EVI5: variants seen among roughly 807,000 people sequenced by gnomAD.
EVI5 encodes the protein ecotropic viral integration site 5.
In EVI5, 73 loss-of-function variants were observed where a neutral mutation model predicts 112.0. The observed-to-expected ratio is 0.65, with a 90% CI of 0.54 to 0.79. The LOEUF (loss-of-function observed/expected upper bound fraction) is 0.79, where lower values mean the gene tolerates loss of function less well. EVI5 is among the 30% of genes least tolerant of loss of function. The pLI, the probability that EVI5 is intolerant of heterozygous loss-of-function variation, is 0.00. For synonymous variants in EVI5, 305 were observed against 319.9 expected, an observed-to-expected ratio of 0.95 and a Z score of 0.50; for missense variants, 900 against 968.8, an observed-to-expected ratio of 0.93 and a Z score of 0.94.
chr1:92,713,685 G>A (rs958321804), intron 2 of EVI5, among the ~76,000 whole-genome samples: 2 of 152,132 alleles, frequency 1.3e-5, no homozygotes, highest in Non-Finnish European at 2.9e-5. Flanking sequence ...GCTGGGGTCA[G>A]AGAATCACTT....
intron 6 of EVI5, among the ~76,000 whole-genome samples, chr1:92,696,864 C>T (rs1465921734): frequency 6.6e-6 from 1 of 151,930 alleles, no homozygotes; most frequent in Non-Finnish European, 1.5e-5. Flanking sequence ...TGGTGAAACC[C>T]CATCTCTACT....
intron 1 of EVI5, 102 bp downstream of exon 1, chr1:92,784,734 G>T: frequency 1.2e-6 from 1 of 853,230 alleles, no homozygotes. Context: ...ACTTGCGGCG[G>T]CCCCCGCCCG....
chr1:92,583,688 A>G (rs539041343), intron 18 of EVI5, among the ~76,000 whole-genome samples: 1 of 151,460 alleles, frequency 6.6e-6, no homozygotes, highest in African/African-American at 2.4e-5. Context: ...CAATGGTATT[A>G]GAAGTATAAG....
Position 92,736,499 on chromosome 1 carries a change from G to C in EVI5, c.48C>G (p.Ser16=). Reference sequence around the variant, plus strand: ...CTGGTGTTGATAGTGTGGTAGATGAGGATGTGGTATGTAATGAAGTAGATG... The same window carrying C: ...CTGGTGTTGATAGTGTGGTAGATGACGATGTGGTATGTAATGAAGTAGATG... ...ASPSTSLHTT[S]SSTTLSTPAL... Residue 16 remains serine, a synonymous_variant, in exon 2 of 20, where the codon TCC becomes TCG. Transcript: ENST00000684568. 6.2e-7 allele frequency: 1 copy of C among 1,613,898 alleles called. No individual in the cohort carries two copies. Among genetic ancestry groups the C allele is most frequent in the Non-Finnish European group, 8.5e-7 (1 of 1,179,850 alleles).
At chr1:92,629,018 G>A (rs1414266783) in intron 14 of EVI5, among the ~76,000 whole-genome samples, 4 of 152,128 alleles carry the variant, frequency 2.6e-5, no homozygotes, top group South Asian at 2.1e-4. Context: ...AGCCACTTAC[G>A]AAATCCATTT....
chr1:92,717,392 A>C (rs1405602995), intron 2 of EVI5, among the ~76,000 whole-genome samples: 1 of 152,228 alleles, frequency 6.6e-6, no homozygotes, highest in Non-Finnish European at 1.5e-5. Context: ...CCAATCTTCA[A>C]CATTCTTAAA....
chr1:92,528,924 G>A (rs1293155399), intron 19 of EVI5, among the ~76,000 whole-genome samples: 1 of 152,112 alleles, frequency 6.6e-6, no homozygotes, highest in African/African-American at 2.4e-5. Flanking sequence ...GTATTTTTCT[G>A]TACATATCTC....
At position 92,748,546 on chromosome 1, in the gene EVI5, C is replaced by T. The variant is rs1679670373; in HGVS notation, c.-81-11919G>A. Among the ~76,000 whole-genome samples the T allele has an allele frequency of 3.3e-5, 5 of 152,000 alleles. 1 individual carries two copies. The South Asian group carries it at 1.0e-3, about 32-fold the overall frequency. On this transcript the variant is annotated intron_variant, in intron 1 of 19. Transcript: ENST00000684568. ...TAAGTTTCATGGTGGTTTGTTACAC[C>T]GCTACAGTAACTGGAACAATATCAC...
intron 2 of EVI5, among the ~76,000 whole-genome samples, chr1:92,717,214 C>T (rs1204868574): frequency 1.3e-5 from 2 of 152,018 alleles, no homozygotes; most frequent in Admixed American, 6.6e-5. Context: ...TGAAATACTC[C>T]TCAAGAAGAG....
chr1:92,706,704 G>A (rs1038837751), intron 2 of EVI5, among the ~76,000 whole-genome samples: 1 of 152,138 alleles, frequency 6.6e-6, no homozygotes, highest in African/African-American at 2.4e-5. Context: ...AGATTAAGCA[G>A]TTAACCTTCC....
chr1:92,567,348 C>T (rs988630868), intron 18 of EVI5, among the ~76,000 whole-genome samples: 3 of 152,152 alleles, frequency 2.0e-5, no homozygotes, highest in South Asian at 2.1e-4. Context: ...ATTAACTGTA[C>T]TGTGTTTATA....
At chr1:92,787,092 A>C (rs989492503), upstream of EVI5, among the ~76,000 whole-genome samples, 2 of 152,176 alleles carry the variant, frequency 1.3e-5, no homozygotes, top group African/African-American at 4.8e-5. Flanking sequence ...ATTTTTTACT[A>C]TTAGCTCCTT....
chr1:92,638,143 T>G (rs757285506), intron 13 of EVI5, among the ~76,000 whole-genome samples: 1 of 152,142 alleles, frequency 6.6e-6, no homozygotes, highest in Admixed American at 6.5e-5. Flanking sequence ...GACTTTATAT[T>G]AGAAGATCCC....
Position 92,550,781 on chromosome 1 carries a change from AATATATATATATATAT to A in EVI5, c.2166+12845_2166+12860del, listed in dbSNP as rs1330757944. ...AAAAAAAAAAAAAAAAAAAAAAAAA[AATATATATATATATAT>A]ATATATATATATATATAACAAAAAA... On this transcript the variant is annotated intron_variant, in intron 19 of 19. Transcript: ENST00000684568. 3.5e-3 allele frequency among the ~76,000 whole-genome samples: 72 copies of A among 20,324 alleles called. 2 individuals are homozygous for A. Among genetic ancestry groups the A allele is most frequent in the East Asian group, 0.014 (4 of 288 alleles). The allele number at this position is 20,324 out of a possible 152,430, so 13.3% of individuals were successfully genotyped here.
chr1:92,536,352 T>C (rs1663892349), intron 19 of EVI5, among the ~76,000 whole-genome samples: 1 of 152,150 alleles, frequency 6.6e-6, no homozygotes, highest in African/African-American at 2.4e-5. Context: ...AAAAATGCAG[T>C]ATAGTTAATA....
At chr1:92,635,694 C>A (rs571101386) in intron 14 of EVI5, among the ~76,000 whole-genome samples, 14 of 152,274 alleles carry the variant, frequency 9.2e-5, no homozygotes, top group Non-Finnish European at 1.8e-4. Context: ...ATGAGATGCA[C>A]CTGGTACGGC....
intron 19 of EVI5, among the ~76,000 whole-genome samples, chr1:92,548,852 C>A (rs1666274206): frequency 6.6e-6 from 1 of 152,264 alleles, no homozygotes; most frequent in African/African-American, 2.4e-5. Context: ...AAAGAGGACA[C>A]AAACAAATGG....
chr1:92,775,028 C>A (rs1683922173), intron 1 of EVI5, among the ~76,000 whole-genome samples: 1 of 152,204 alleles, frequency 6.6e-6, no homozygotes, highest in Non-Finnish European at 1.5e-5. Context: ...AGTAAAAATT[C>A]CCCATGTCAT....
At chr1:92,775,524 T>A (rs938356899) in intron 1 of EVI5, among the ~76,000 whole-genome samples, 31 of 152,140 alleles carry the variant, frequency 2.0e-4, no homozygotes, top group African/African-American at 7.2e-4. Context: ...GTGTTACAAC[T>A]GCCTACAGTA....
Sources: gnomAD v4.1 joint callset for allele counts (sites outside exome capture counted in the v4.1 genomes callset) on GRCh38, gnomAD v4.1.1 for gene constraint, MANE v1.5 for transcripts, NCBI Gene and HGNC (gene_info 2026-07-23, HGNC 2026-07-21) for gene names.